ADGRD1: variants seen among roughly 807,000 people sequenced by gnomAD.
The protein encoded by ADGRD1 is adhesion G protein-coupled receptor D1.
In ADGRD1, 77 loss-of-function variants were observed where a neutral mutation model predicts 113.4. The observed-to-expected ratio is 0.68, with a 90% CI of 0.57 to 0.82. The LOEUF is 0.82. Ranked by LOEUF, ADGRD1 falls within the 40% of genes least tolerant of loss-of-function variation. The pLI is 0.00. For synonymous variants in ADGRD1, 474 were observed against 475.0 expected (o/e 1.00, Z 0.03); for missense variants, 1,036 against 1,139.1 (o/e 0.91, Z 1.30).
At chr12:131,031,652 C>G (rs1480731666) in intron 13 of ADGRD1, among the ~76,000 whole-genome samples, 1 of 152,182 alleles carries the variant, frequency 6.6e-6, no homozygotes. Flanking sequence ...TCTGGGGCCC[C>G]TCTCCACCAT....
In ADGRD1 at chr12:131,105,786, A is replaced by G. The variant is rs752264672; in HGVS notation, c.1808A>G (p.His603Arg). ...AGCACCATCCGGAACCAGCGCTACCACATCCACGCCAACCTGTCCTTCGCC... is the reference window on the plus strand; with the variant it reads ...AGCACCATCCGGAACCAGCGCTACCGCATCCACGCCAACCTGTCCTTCGCC... ...SVSTIRNQRY[H>R]IHANLSFAVL... is the part of the protein sequence containing the mutation. The change falls in exon 17 of 25, where the codon CAC (histidine) becomes CGC (arginine). Residue 603 changes from histidine to arginine, a missense_variant. Physicochemically the swap from His to Arg is conservative, Grantham distance 29. Coordinates refer to ENST00000261654, the MANE Select transcript of ADGRD1 (RefSeq NM_198827.5). The G allele has an allele frequency of 6.2e-7, 1 of 1,601,416 alleles. No individual in the cohort carries two copies. Among genetic ancestry groups the G allele is most frequent in the Non-Finnish European group, 8.5e-7 (1 of 1,179,936 alleles).
chr12:131,131,731 A>G lies in ADGRD1; in HGVS notation c.2182A>G (p.Ile728Val). The G allele has an allele frequency of 6.2e-7, 1 of 1,608,466 alleles. No homozygotes were observed. Among genetic ancestry groups the G allele is most frequent in the Non-Finnish European group, 8.5e-7 (1 of 1,176,816 alleles). The change falls in exon 21 of 25, where the codon ATT becomes GTT. Residue 728 changes from isoleucine to valine, a missense_variant. Physicochemically the swap from Ile to Val is conservative, Grantham distance 29. Coordinates refer to ENST00000261654, the MANE Select transcript of ADGRD1 (RefSeq NM_198827.5). ...TCCATGGTTTCTTGTGCAGGTCAAC[A>G]TTGGCATCCTCATCGCTGTGACCAG... The part of the protein sequence containing the change: ...APALFVIVVN[I>V]GILIAVTRVI...
chr12:130,982,439 C>T (rs893394466), intron 5 of ADGRD1, among the ~76,000 whole-genome samples: 1 of 152,202 alleles, frequency 6.6e-6, no homozygotes, highest in Non-Finnish European at 1.5e-5. Flanking sequence ...GCAGTGGTTA[C>T]ATTTCTCCTT....
chr12:131,133,396 C>T (rs1026815817), intron 21 of ADGRD1, among the ~76,000 whole-genome samples: 2 of 152,376 alleles, frequency 1.3e-5, no homozygotes, highest in Non-Finnish European at 2.9e-5. Flanking sequence ...CAGGAAGCAG[C>T]TTCTGTCCAC....
rs753644972 is a variant in ADGRD1 at position 130,987,084 on chromosome 12, C to T, written c.491-11C>T. ...ACAGTACTCAGAATGGCGATCTTCA[C>T]TCTTTTCCAGGCCCCTATTGGACTC... On this transcript the variant is annotated splice_polypyrimidine_tract_variant and intron_variant, in intron 5 of 24. Transcript: ENST00000261654. 6.2e-7 allele frequency: 1 copy of T among 1,613,168 alleles called. No individual in the cohort carries two copies. Among genetic ancestry groups the T allele is most frequent in the South Asian group, 1.1e-5 (1 of 91,040 alleles).
intron 18 of ADGRD1, among the ~76,000 whole-genome samples, chr12:131,114,690 C>G (rs774206672): frequency 6.6e-6 from 1 of 151,866 alleles, no homozygotes; most frequent in Non-Finnish European, 1.5e-5. Flanking sequence ...CCTGGCCTTA[C>G]TCTAGTTTTT....
chr12:130,982,544 C>T (rs928698599), intron 5 of ADGRD1, among the ~76,000 whole-genome samples: 3 of 152,194 alleles, frequency 2.0e-5, no homozygotes, highest in Admixed American at 2.0e-4. Flanking sequence ...CCCTCCTCTT[C>T]TTCCTTCTTC....
chr12:130,954,354 C>A lies in ADGRD1; in HGVS notation c.-112C>A. On this transcript the variant is annotated 5_prime_UTR_variant, in exon 1 of 25. Coordinates refer to ENST00000261654, the MANE Select transcript of ADGRD1 (RefSeq NM_198827.5). The surrounding 1 kb of genome is among the most constrained non-coding windows in gnomAD (Gnocchi z 4.7). ...CTTTAAGGAGACAGAAATTTTCTCC[C>A]CTGGAACCTGTGAAAATGTCCCTTT... 1 of 942,304 alleles carries A rather than the reference C, an allele frequency of 1.1e-6. No homozygotes were observed. Among genetic ancestry groups the A allele is most frequent in the Non-Finnish European group, 1.6e-6 (1 of 630,668 alleles). The allele number at this position is 942,304 out of a possible 1,614,324, so 58.4% of individuals were successfully genotyped here.
At chr12:131,077,616 A>G (rs1285225254) in intron 14 of ADGRD1, among the ~76,000 whole-genome samples, 7 of 151,698 alleles carry the variant, frequency 4.6e-5, no homozygotes, top group Non-Finnish European at 8.8e-5. Flanking sequence ...GAGTGGAGGG[A>G]GGGGTGGGGC....
intron 20 of ADGRD1, among the ~76,000 whole-genome samples, chr12:131,128,238 C>T (rs1326712660): frequency 1.4e-5 from 2 of 140,068 alleles, no homozygotes; most frequent in African/African-American, 2.7e-5. Context: ...TGTGATGGGA[C>T]CCTGAGCTCA....
rs1199355941 is a variant in ADGRD1, at chr12:131,113,206, C to T, written c.2041+4329C>T. On this transcript the variant is annotated intron_variant, in intron 18 of 24. Transcript: ENST00000261654. The surrounding 1 kb of genome is among the most constrained non-coding windows in gnomAD (Gnocchi z 4.9). ...TAGATTTTCTTGAGCCAGTTTTTCT[C>T]AATTTGCTGTAAACCCTTAGGAAAA... Among the ~76,000 whole-genome samples the T allele has an allele frequency of 1.3e-5, 2 of 152,172 alleles. No homozygotes were observed. The highest frequency in any genetic ancestry group is 4.8e-5 in the African/African-American group (2 of 41,434).
chr12:131,133,668 C>T (rs116343394), intron 21 of ADGRD1, among the ~76,000 whole-genome samples: 3 of 152,216 alleles, frequency 2.0e-5, no homozygotes, highest in East Asian at 1.9e-4. Context: ...GCACATTTCC[C>T]AATGCCTTCA....
At chr12:131,079,041 A>G (rs1415861733) in intron 14 of ADGRD1, among the ~76,000 whole-genome samples, 2 of 151,908 alleles carry the variant, frequency 1.3e-5, no homozygotes, top group African/African-American at 2.4e-5. Flanking sequence ...GCAAGCACCG[A>G]TTTGTCTTCT....
chr12:131,053,969 G>A (rs1186566390), intron 13 of ADGRD1, among the ~76,000 whole-genome samples: 1 of 152,094 alleles, frequency 6.6e-6, no homozygotes, highest in Non-Finnish European at 1.5e-5. Context: ...CTCTCACCTG[G>A]TTATAGCCCG....
intron 2 of ADGRD1, among the ~76,000 whole-genome samples, chr12:130,963,428 C>G (rs1185742640): frequency 6.6e-6 from 1 of 151,414 alleles, no homozygotes; most frequent in Admixed American, 6.6e-5. Flanking sequence ...TTTTCGATTT[C>G]TTCACTCCCA....
At chr12:131,035,976 A>G (rs960627275) in intron 13 of ADGRD1, among the ~76,000 whole-genome samples, 2 of 152,214 alleles carry the variant, frequency 1.3e-5, no homozygotes, top group African/African-American at 4.8e-5. Context: ...TTATACCACT[A>G]CTAAGGTTCT....
At chr12:131,100,930 G>A (rs1950055623) in intron 15 of ADGRD1, among the ~76,000 whole-genome samples, 1 of 152,218 alleles carries the variant, frequency 6.6e-6, no homozygotes, top group Non-Finnish European at 1.5e-5. Flanking sequence ...TGAATCAGTG[G>A]CAGAGTCAGA....
intron 15 of ADGRD1, among the ~76,000 whole-genome samples, chr12:131,088,332 GCA>G: frequency 6.6e-6 from 1 of 152,346 alleles, no homozygotes; most frequent in African/African-American, 2.4e-5. Flanking sequence ...GCTGTGGCAC[GCA>G]CAGAGACACA....
chr12:131,118,441 A>G lies in ADGRD1; in HGVS notation c.2098A>G (p.Thr700Ala), dbSNP rs1177240721. 3.1e-6 allele frequency: 5 copies of G among 1,610,652 alleles called. No homozygotes were observed. The East Asian group carries it at 8.9e-5, about 29-fold the overall frequency. Residue 700 changes from threonine to alanine, a missense_variant, in exon 19 of 25, where the codon ACA becomes GCA. Transcript: ENST00000261654. ...SLSFAMDSYG[T>A]SNNCWLSLAS... The stretch of plus-strand genomic sequence containing the variant: ...GTCATTTGCCATGGACAGTTACGGA[A>G]CAAGCAACAAGTAAGTGCAGGGCTT...
Sources: gnomAD v4.1 joint callset for allele counts (sites outside exome capture counted in the v4.1 genomes callset) on GRCh38, gnomAD v4.1.1 for gene constraint, Gnocchi (gnomAD v3.1) non-coding constraint, MANE v1.5 for transcripts, NCBI Gene and HGNC (gene_info 2026-07-23, HGNC 2026-07-21) for gene names.